The following GLRA3 variants were observed in gnomAD, a reference collection of about 807,000 sequenced individuals.
GLRA3 encodes glycine receptor subunit alpha-3.
A neutral mutation model predicts 60.4 loss-of-function variants in GLRA3; 44 were observed. The ratio of observed to expected loss-of-function variants is 0.73; its 90% CI spans 0.57 to 0.94. The LOEUF (loss-of-function observed/expected upper bound fraction) is 0.94. Among genes scored for constraint, GLRA3 ranks in the 40% least tolerant of loss-of-function variants. GLRA3 has a pLI of 0.00. For synonymous variants in GLRA3, 223 were observed against 192.9 expected, an observed-to-expected ratio of 1.16 and a Z score of -1.29; for missense variants, 508 against 564.6, an observed-to-expected ratio of 0.90 and a Z score of 1.02.
In GLRA3 at chr4:174,644,036, C is replaced by T; in HGVS notation, c.1145G>A (p.Ser382Asn). The stretch of plus-strand genomic sequence containing the variant: ...TGGTCCCATTCCATAGGCTGTGAAG[C>T]TGAATCGGCTTTCCCTTACCTCATC... ...MDDEVRESRF[S>N]FTAYGMGPCL... is the part of the protein sequence containing the mutation. Residue 382 changes from serine (S) to asparagine (N), a missense_variant, in exon 10 of 10, where the codon AGC becomes AAC. This residue lies in a region of GLRA3 where 176 missense variants were observed against 197.9 expected (regional missense o/e 0.89). Coordinates refer to ENST00000274093, the MANE Select transcript of GLRA3 (RefSeq NM_006529.4). 1 of 1,613,322 alleles carries T rather than the reference C, an allele frequency of 6.2e-7. No homozygotes were observed. Among genetic ancestry groups the T allele is most frequent in the Non-Finnish European group, 8.5e-7 (1 of 1,179,570 alleles).
chr4:174,647,006 C>A (rs931474365), intron 9 of GLRA3, among the ~76,000 whole-genome samples: 29 of 152,282 alleles, frequency 1.9e-4, no homozygotes, highest in African/African-American at 7.0e-4. Context: ...ATTATTGGAA[C>A]ATGGATCGCA....
intron 3 of GLRA3, among the ~76,000 whole-genome samples, chr4:174,750,716 G>C (rs1475490606): frequency 1.3e-5 from 2 of 152,094 alleles, no homozygotes; most frequent in Admixed American, 1.3e-4. Flanking sequence ...AAATGGAGCA[G>C]CTTTGGAGTG....
chr4:174,760,686 A>C (rs1378422503), intron 3 of GLRA3, among the ~76,000 whole-genome samples: 1 of 152,128 alleles, frequency 6.6e-6, no homozygotes, highest in Admixed American at 6.5e-5. Flanking sequence ...CTGCCGGCTA[A>C]TTCTTGTTTT....
At chr4:174,712,566 C>A (rs1735753317) in intron 5 of GLRA3, 1 of 152,084 alleles carries the variant, frequency 6.6e-6, no homozygotes, top group Admixed American at 6.6e-5. Context: ...GAAGTTGTAC[C>A]ATTGCAAGCC....
At chr4:174,650,485 C>T (rs1732986974) in intron 9 of GLRA3, among the ~76,000 whole-genome samples, 1 of 152,126 alleles carries the variant, frequency 6.6e-6, no homozygotes, top group Non-Finnish European at 1.5e-5. Context: ...ACTAGAAAAT[C>T]CTCTGACACT....
rs553463089 is a variant in GLRA3 at position 174,809,595 on chromosome 4, T to TA, written c.71+19145_71+19146insT. On this transcript the variant is annotated intron_variant, in intron 1 of 9. Coordinates refer to ENST00000274093, the MANE Select transcript of GLRA3 (RefSeq NM_006529.4). ...TAAAAATACAAAAATGAGCCAGGTA[T>TA]GGTGGCACATGCCTCTAATCCCAGC... 2.9e-4 allele frequency among the ~76,000 whole-genome samples: 44 copies of TA among 152,184 alleles called. No individual in the cohort carries two copies. In the South Asian group the frequency reaches 8.9e-3, roughly 31 times the overall value.
At chr4:174,668,165 C>A (rs1023008909) in intron 7 of GLRA3, among the ~76,000 whole-genome samples, 5 of 152,084 alleles carry the variant, frequency 3.3e-5, no homozygotes, top group Admixed American at 2.6e-4. Flanking sequence ...TGAGGCCCCC[C>A]AGAAACAGAA....
At chr4:174,822,485 T>C (rs1740778085) in intron 1 of GLRA3, among the ~76,000 whole-genome samples, 1 of 152,238 alleles carries the variant, frequency 6.6e-6, no homozygotes, top group African/African-American at 2.4e-5. Context: ...TATTTTTTAC[T>C]AATTAAAAAC....
intron 3 of GLRA3, among the ~76,000 whole-genome samples, chr4:174,749,562 T>C (rs1370424865): frequency 1.3e-5 from 2 of 152,094 alleles, no homozygotes; most frequent in Non-Finnish European, 2.9e-5. Context: ...GCAAACCAAG[T>C]ATTGAAAGCC....
intron 5 of GLRA3, among the ~76,000 whole-genome samples, chr4:174,696,108 T>C (rs565367802): frequency 1.6e-4 from 24 of 151,584 alleles, no homozygotes; most frequent in African/African-American, 4.4e-4. Flanking sequence ...CACAAACAAA[T>C]GGAAAAATAT....
At chr4:174,733,666 A>C (rs1579523645) in intron 3 of GLRA3, among the ~76,000 whole-genome samples, 1 of 152,128 alleles carries the variant, frequency 6.6e-6, no homozygotes, top group Non-Finnish European at 1.5e-5. Flanking sequence ...TAAACAGTTC[A>C]CCTTGCCCTG....
intron 3 of GLRA3, among the ~76,000 whole-genome samples, chr4:174,757,649 T>C (rs1737772810): frequency 6.6e-6 from 1 of 152,202 alleles, no homozygotes; most frequent in Non-Finnish European, 1.5e-5. Context: ...AGAGTCTATA[T>C]TGATATGAAT....
intron 5 of GLRA3, among the ~76,000 whole-genome samples, chr4:174,698,714 C>T (rs1193954466): frequency 1.3e-5 from 2 of 152,090 alleles, no homozygotes; most frequent in African/African-American, 2.4e-5. Context: ...ATAGCTTAAA[C>T]ATCAGAGAAT....
chr4:174,757,628 A>C (rs185553080), intron 3 of GLRA3, among the ~76,000 whole-genome samples: 1 of 152,364 alleles, frequency 6.6e-6, no homozygotes, highest in East Asian at 1.9e-4. Context: ...AAAGCATAAA[A>C]TAAATGTGCA....
rs573685163 is a variant in GLRA3 at position 174,659,264 on chromosome 4, T to G, written c.928-67A>C. 4.4e-6 allele frequency: 5 copies of G among 1,138,760 alleles called. No individual in the cohort carries two copies. In the South Asian group the frequency reaches 5.9e-5, roughly 13 times the overall value. 70.5% of individuals were successfully genotyped at this position (1,138,760 alleles called of 1,614,324 possible). A position where few individuals can be genotyped will look rare whatever the true frequency, so the allele number is the denominator to read the frequency against. ...TTGTTACTTCCTTTGAGAACAAAAC[T>G]GAGTTTTTCTGATTCTGAATTATGT... On this transcript the variant is annotated intron_variant, in intron 7 of 9. Transcript: ENST00000274093.
chr4:174,671,090 T>A (rs187671812), intron 7 of GLRA3, among the ~76,000 whole-genome samples: 78 of 152,252 alleles, frequency 5.1e-4, no homozygotes, highest in Admixed American at 1.2e-3. Flanking sequence ...GTTGAATATG[T>A]TGCTTATATC....
intron 7 of GLRA3, among the ~76,000 whole-genome samples, chr4:174,671,275 C>A (rs1343932220): frequency 6.6e-6 from 1 of 152,040 alleles, no homozygotes; most frequent in Non-Finnish European, 1.5e-5. Flanking sequence ...ATATTACTGA[C>A]AATAATAACT....
intron 4 of GLRA3, among the ~76,000 whole-genome samples, chr4:174,717,250 AAGGG>A (rs1185021574): frequency 1.3e-4 from 18 of 138,046 alleles, no homozygotes; most frequent in African/African-American, 3.1e-4. Context: ...TGCAGGAAGG[AAGGG>A]AGGGAGGGAG....
chr4:174,820,875 C>T (rs1740716174), intron 1 of GLRA3, among the ~76,000 whole-genome samples: 1 of 151,892 alleles, frequency 6.6e-6, no homozygotes, highest in Non-Finnish European at 1.5e-5. Flanking sequence ...TAGTATTTTA[C>T]TTGTTGCCAC....
Sources: allele counts gnomAD v4.1 joint callset (sites outside exome capture counted in the v4.1 genomes callset), GRCh38; gene constraint gnomAD v4.1.1; regional missense constraint gnomAD v4.1.1; transcripts MANE v1.5; gene names NCBI Gene and HGNC (gene_info 2026-07-23, HGNC 2026-07-21).